The following SOX6 variants were observed in gnomAD, a reference collection of about 807,000 sequenced individuals.
The protein encoded by SOX6 is SRY-box transcription factor 6.
In SOX6, 11 loss-of-function variants were observed where a neutral mutation model predicts 97.8. That is an observed-to-expected ratio of 0.11 (90% CI 0.07 to 0.19). The LOEUF (loss-of-function observed/expected upper bound fraction) is 0.19. SOX6 is among the 10% of genes least tolerant of loss of function. SOX6 has a pLI of 1.00. For missense variants in SOX6, 810 were observed against 1,039.5 expected (o/e 0.78, Z 3.04); for synonymous variants, 360 against 371.4 (o/e 0.97, Z 0.35).
At chr11:16,147,181 G>T (rs1314838488) in intron 6 of SOX6, among the ~76,000 whole-genome samples, 1 of 152,072 alleles carries the variant, frequency 6.6e-6, no homozygotes. Context: ...CCATAAAAAA[G>T]GATGAATTCA....
At chr11:16,548,906 T>C (rs941816914) in intron 4 of SOX6, among the ~76,000 whole-genome samples, 2 of 152,062 alleles carry the variant, frequency 1.3e-5, no homozygotes, top group African/African-American at 4.8e-5. Context: ...AACGTATACA[T>C]ATTTCAAAAA....
At chr11:16,247,404 C>T (rs1455404436) in intron 3 of SOX6, among the ~76,000 whole-genome samples, 2 of 152,084 alleles carry the variant, frequency 1.3e-5, no homozygotes, top group Non-Finnish European at 2.9e-5. Flanking sequence ...ATACTGATTT[C>T]CTTTCTGTAT....
chr11:16,128,598 A>G (rs1849664038), intron 6 of SOX6, among the ~76,000 whole-genome samples: 2 of 152,316 alleles, frequency 1.3e-5, no homozygotes, highest in South Asian at 4.1e-4. Flanking sequence ...TTTCAGGGAC[A>G]GAAATGATTT....
intron 1 of SOX6, among the ~76,000 whole-genome samples, chr11:16,383,947 C>T (rs990747032): frequency 4.0e-5 from 6 of 151,678 alleles, no homozygotes; most frequent in African/African-American, 1.2e-4. Flanking sequence ...TCAAAAAAAC[C>T]CCAGCAATTT....
At chr11:16,421,300 C>A (rs1241254302) in intron 1 of SOX6, among the ~76,000 whole-genome samples, 2 of 151,816 alleles carry the variant, frequency 1.3e-5, no homozygotes, top group African/African-American at 4.8e-5. Context: ...ATATTTGAGT[C>A]TCATAGAAAA....
At chr11:16,580,383 G>A (rs1481456000) in intron 4 of SOX6, among the ~76,000 whole-genome samples, 2 of 151,966 alleles carry the variant, frequency 1.3e-5, no homozygotes, top group Non-Finnish European at 2.9e-5. Flanking sequence ...ATGCATAACT[G>A]AGCATGTACA....
intron 3 of SOX6, among the ~76,000 whole-genome samples, chr11:16,657,034 C>A (rs1037121317): frequency 2.0e-5 from 3 of 152,184 alleles, no homozygotes; most frequent in Non-Finnish European, 4.4e-5. Context: ...TGTTTTCACA[C>A]TGCTTAATGT....
chr11:16,414,785 G>T (rs1474714645), intron 1 of SOX6, among the ~76,000 whole-genome samples: 1 of 152,046 alleles, frequency 6.6e-6, no homozygotes, highest in Non-Finnish European at 1.5e-5. Flanking sequence ...AAGTATTCCA[G>T]GTACAAGAAA....
chr11:16,573,575 T>C (rs372288953), intron 4 of SOX6, among the ~76,000 whole-genome samples: 10 of 152,218 alleles, frequency 6.6e-5, no homozygotes, highest in Non-Finnish European at 1.5e-4. Flanking sequence ...GTTACCAAAC[T>C]ATCTGCTTAA....
At chr11:16,730,043 T>TATAC (rs1167685379) in intron 2 of SOX6, among the ~76,000 whole-genome samples, 3 of 149,458 alleles carry the variant, frequency 2.0e-5, no homozygotes, top group African/African-American at 4.9e-5. Context: ...TATATATATA[T>TATAC]ATATATCCTA....
At chr11:16,078,282 A>C (rs1256482715) in intron 9 of SOX6, among the ~76,000 whole-genome samples, 1 of 152,192 alleles carries the variant, frequency 6.6e-6, no homozygotes, top group African/African-American at 2.4e-5. Flanking sequence ...GCTTCAGCTC[A>C]TCAGGTAAAC....
intron 9 of SOX6, among the ~76,000 whole-genome samples, chr11:16,073,487 T>C (rs1436300365): frequency 6.6e-6 from 1 of 151,926 alleles, no homozygotes; most frequent in Admixed American, 6.6e-5. Flanking sequence ...TAGAGAATCA[T>C]ACAAACATAG....
chr11:16,528,753 T>C (rs1434129184), intron 4 of SOX6, among the ~76,000 whole-genome samples: 1 of 152,028 alleles, frequency 6.6e-6, no homozygotes, highest in Admixed American at 6.6e-5. Context: ...AGAAGAGAAA[T>C]TGATAGCACT....
intron 4 of SOX6, among the ~76,000 whole-genome samples, chr11:16,482,896 T>A (rs1860367644): frequency 6.6e-6 from 1 of 152,214 alleles, no homozygotes; most frequent in African/African-American, 2.4e-5. Context: ...TTTGTTTGTT[T>A]CGTGAGTGGT....
At chr11:16,065,905 G>A (rs1230083518) in intron 9 of SOX6, among the ~76,000 whole-genome samples, 1 of 151,938 alleles carries the variant, frequency 6.6e-6, no homozygotes, top group African/African-American at 2.4e-5. Flanking sequence ...AAGCAAAAAT[G>A]GACAAATAGA....
intron 3 of SOX6, among the ~76,000 whole-genome samples, chr11:16,711,338 G>A (rs530981033): frequency 6.6e-6 from 1 of 152,196 alleles, no homozygotes; most frequent in African/African-American, 2.4e-5. Flanking sequence ...AGACTAGCCT[G>A]GGCAACATGA....
chr11:16,664,767 C>A (rs1010403174), intron 3 of SOX6, among the ~76,000 whole-genome samples: 3 of 151,838 alleles, frequency 2.0e-5, no homozygotes, highest in African/African-American at 7.3e-5. Context: ...GGCAGTGCAG[C>A]CCACAGGTCC....
At chr11:16,495,779 C>T (rs570183803) in intron 4 of SOX6, among the ~76,000 whole-genome samples, 1 of 152,300 alleles carries the variant, frequency 6.6e-6, no homozygotes, top group East Asian at 1.9e-4. Flanking sequence ...TAAGAATCAG[C>T]CCACCTAGAT....
At chr11:16,453,513 G>A (rs972705250) in intron 1 of SOX6, among the ~76,000 whole-genome samples, 9 of 151,978 alleles carry the variant, frequency 5.9e-5, no homozygotes, top group East Asian at 1.9e-4. Flanking sequence ...TCATTAGTAC[G>A]TTATTCCAAA....
Sources: gnomAD v4.1 joint callset for allele counts (sites outside exome capture counted in the v4.1 genomes callset) on GRCh38, gnomAD v4.1.1 for gene constraint, MANE v1.5 for transcripts, NCBI Gene and HGNC (gene_info 2026-07-23, HGNC 2026-07-21) for gene names.